Variants in NBEA observed in about 807,000 individuals in gnomAD.
The protein encoded by NBEA is lysosomal-trafficking regulator 2.
A neutral mutation model predicts 343.4 loss-of-function variants in NBEA; 44 were observed. The ratio of observed to expected loss-of-function variants is 0.13; its 90% CI spans 0.10 to 0.16. NBEA has a LOEUF of 0.16. Ranked by LOEUF, NBEA falls within the 10% of genes least tolerant of loss-of-function variation. The pLI, the probability that NBEA is intolerant of heterozygous loss-of-function variation, is 1.00. For synonymous variants in NBEA, 1,175 were observed against 1,238.7 expected (o/e 0.95, Z 1.08); for missense variants, 2,555 against 3,631.3 (o/e 0.70, Z 7.62).
intron 10 of NBEA, among the ~76,000 whole-genome samples, chr13:35,072,228 G>T (rs1359600946): frequency 6.6e-6 from 1 of 151,926 alleles, no homozygotes; most frequent in African/African-American, 2.4e-5. Flanking sequence ...AAAAATCCAT[G>T]TATTAATTTA....
intron 47 of NBEA, among the ~76,000 whole-genome samples, chr13:35,599,791 A>G (rs999469541): frequency 1.3e-5 from 2 of 152,246 alleles, no homozygotes; most frequent in Non-Finnish European, 2.9e-5. Context: ...GCCATCTATG[A>G]GAAAACTCTG....
At chr13:35,618,593 G>C (rs151008869) in intron 48 of NBEA, among the ~76,000 whole-genome samples, 1 of 152,126 alleles carries the variant, frequency 6.6e-6, no homozygotes, top group East Asian at 1.9e-4. Flanking sequence ...GACACATTTA[G>C]TAGACATTTC....
chr13:35,631,342 C>T lies in NBEA; in HGVS notation c.7617+3094C>T, dbSNP rs555092260. 1.1e-4 allele frequency among the ~76,000 whole-genome samples: 16 copies of T among 152,072 alleles called. No individual in the cohort carries two copies. The South Asian group carries it at 2.9e-3, about 28-fold the overall frequency. Reference sequence around the variant, plus strand: ...CTGGAGGTCTTGTACTGCTGTGTTGCGACTTGAGAGAGTTGATTCCCACCT... The same window carrying T: ...CTGGAGGTCTTGTACTGCTGTGTTGTGACTTGAGAGAGTTGATTCCCACCT... On this transcript the variant is annotated intron_variant, in intron 49 of 58. Transcript: ENST00000379939.
intron 36 of NBEA, among the ~76,000 whole-genome samples, chr13:35,328,541 A>G (rs988718670): frequency 6.6e-6 from 1 of 151,936 alleles, no homozygotes; most frequent in African/African-American, 2.4e-5. Flanking sequence ...GCTGGAGGGG[A>G]TGGATACCCC....
chr13:35,451,153 T>A (rs937949598), intron 39 of NBEA, among the ~76,000 whole-genome samples: 1 of 152,198 alleles, frequency 6.6e-6, no homozygotes, highest in Non-Finnish European at 1.5e-5. Context: ...AGAGGGAGTC[T>A]CACTCTGTCG....
intron 41 of NBEA, chr13:35,476,452 T>A (rs1366202942): frequency 2.3e-6 from 2 of 884,894 alleles, no homozygotes; most frequent in Non-Finnish European, 3.7e-6. Flanking sequence ...AGAATCCTTG[T>A]GTGAGAGAAC....
chr13:35,316,272 C>A (rs1039223908), intron 36 of NBEA, among the ~76,000 whole-genome samples: 1 of 152,106 alleles, frequency 6.6e-6, no homozygotes, highest in East Asian at 1.9e-4. Context: ...CTCCACCCCC[C>A]AACAGGCCCC....
At chr13:35,357,951 G>A (rs1266229783) in intron 38 of NBEA, among the ~76,000 whole-genome samples, 3 of 152,026 alleles carry the variant, frequency 2.0e-5, no homozygotes, top group Admixed American at 2.0e-4. Flanking sequence ...AATATTTTCT[G>A]TCTGCTTAAT....
At chr13:35,232,688 C>A in intron 34 of NBEA, 69 bp downstream of exon 34, 1 of 1,162,918 alleles carries the variant, frequency 8.6e-7, no homozygotes, top group South Asian at 2.3e-5. Flanking sequence ...ATAATTTGTG[C>A]TTCTGGAGGA....
chr13:34,984,438 G>A (rs2060474378), intron 1 of NBEA, among the ~76,000 whole-genome samples: 2 of 152,204 alleles, frequency 1.3e-5, no homozygotes, highest in African/African-American at 2.4e-5. Flanking sequence ...TGCTGTTTTG[G>A]TTACTGTGCC....
intron 38 of NBEA, among the ~76,000 whole-genome samples, chr13:35,379,503 GCTTT>G (rs2041905565): frequency 6.6e-6 from 1 of 151,942 alleles, no homozygotes; most frequent in Admixed American, 6.6e-5. Context: ...GTTGCCTTTT[GCTTT>G]CTTATTTTTA....
chr13:35,011,112 G>T (rs1454990238), intron 1 of NBEA, among the ~76,000 whole-genome samples: 1 of 152,014 alleles, frequency 6.6e-6, no homozygotes, highest in African/African-American at 2.4e-5. Context: ...TGGAAGGTGG[G>T]CTCTGTATAG....
intron 41 of NBEA, chr13:35,476,111 A>G (rs769432965): frequency 6.8e-6 from 11 of 1,614,214 alleles, no homozygotes; most frequent in Non-Finnish European, 8.5e-6. Context: ...TTCAGATGGT[A>G]GACCAGCTTG....
At chr13:35,475,880 T>A (rs2075840271) in intron 41 of NBEA, 1 of 1,613,898 alleles carries the variant, frequency 6.2e-7, no homozygotes, top group Non-Finnish European at 8.5e-7. Context: ...TCCACGAAGT[T>A]GAACACCCCC....
chr13:35,196,998 C>G (rs1003848634), intron 31 of NBEA, among the ~76,000 whole-genome samples: 3 of 151,904 alleles, frequency 2.0e-5, no homozygotes, highest in Non-Finnish European at 4.4e-5. Context: ...ACTTTTTATT[C>G]CAGTATACAT....
At chr13:34,962,045 A>T (rs537625484) in intron 1 of NBEA, among the ~76,000 whole-genome samples, 3 of 152,240 alleles carry the variant, frequency 2.0e-5, no homozygotes, top group Admixed American at 6.6e-5. Context: ...AGTTAATACA[A>T]GTTAATTTCA....
chr13:35,352,114 A>G, intron 37 of NBEA, 43 bp from the exon 38 acceptor site: 1 of 1,225,238 alleles, frequency 8.2e-7, no homozygotes, highest in East Asian at 3.0e-5. Context: ...ACTTATATGC[A>G]GTAAAAAGTT....
At chr13:35,179,802 G>T in intron 28 of NBEA, 7 of 984,414 alleles carry the variant, frequency 7.1e-6, no homozygotes, top group Non-Finnish European at 3.6e-6. Flanking sequence ...TTCTTGGTTG[G>T]TATCTTTTCT....
At chr13:35,617,848 T>C (rs1566416089) in intron 48 of NBEA, among the ~76,000 whole-genome samples, 1 of 152,258 alleles carries the variant, frequency 6.6e-6, no homozygotes, top group Non-Finnish European at 1.5e-5. Context: ...TATCTACATA[T>C]GTTCATACTT....
Sources: allele counts gnomAD v4.1 joint callset (sites outside exome capture counted in the v4.1 genomes callset), GRCh38; gene constraint gnomAD v4.1.1; transcripts MANE v1.5; gene names NCBI Gene and HGNC (gene_info 2026-07-23, HGNC 2026-07-21).